Variants in BANP observed in about 807,000 individuals in gnomAD.
BANP encodes the protein protein BANP.
A neutral mutation model predicts 68.1 loss-of-function variants in BANP; 11 were observed. That is an observed-to-expected ratio of 0.16 (90% confidence interval 0.10 to 0.27). The LOEUF (loss-of-function observed/expected upper bound fraction) is 0.27. Ranked by LOEUF, BANP falls within the 10% of genes least tolerant of loss-of-function variation. BANP has a pLI of 1.00. For missense variants in BANP, 504 were observed against 722.7 expected, an observed-to-expected ratio of 0.70 and a Z score of 3.47; for synonymous variants, 329 against 303.2, an observed-to-expected ratio of 1.09 and a Z score of -0.88.
intron 4 of BANP, among the ~76,000 whole-genome samples, chr16:87,993,761 T>G (rs2066480466): frequency 1.3e-5 from 2 of 152,126 alleles, no homozygotes; most frequent in South Asian, 2.1e-4. Flanking sequence ...CACACCCGGC[T>G]GCTAATTTTT....
chr16:88,068,486 A>T (rs893462012), intron 12 of BANP, among the ~76,000 whole-genome samples: 1 of 151,834 alleles, frequency 6.6e-6, no homozygotes, highest in Non-Finnish European at 1.5e-5. Flanking sequence ...GCCCTGAGAC[A>T]CCTCTGGGAC....
At chr16:88,005,414 G>A (rs2070708016) in intron 5 of BANP, among the ~76,000 whole-genome samples, 1 of 152,214 alleles carries the variant, frequency 6.6e-6, no homozygotes, top group African/African-American at 2.4e-5. Context: ...TCCTGCTGGT[G>A]CGTAGCAGTC....
intron 12 of BANP, among the ~76,000 whole-genome samples, chr16:88,066,126 C>T (rs1197974632): frequency 6.6e-6 from 1 of 152,224 alleles, no homozygotes; most frequent in African/African-American, 2.4e-5. Context: ...CGGGGCTTCT[C>T]CCAGACACGT....
intron 6 of BANP, among the ~76,000 whole-genome samples, chr16:88,017,680 C>T (rs1378190085): frequency 1.3e-5 from 2 of 152,126 alleles, no homozygotes; most frequent in Admixed American, 6.5e-5. Context: ...TGGGAAGTCC[C>T]ACTCCATCGT....
intron 1 of BANP, among the ~76,000 whole-genome samples, chr16:87,967,622 A>T (rs868843177): frequency 1.8e-4 from 22 of 120,554 alleles, no homozygotes; most frequent in Non-Finnish European, 2.7e-4. Context: ...CACCCAGTTA[A>T]TTTTTTTTTT....
intron 11 of BANP, among the ~76,000 whole-genome samples, chr16:88,042,336 A>G (rs1025600210): frequency 3.3e-5 from 5 of 152,230 alleles, no homozygotes; most frequent in African/African-American, 9.6e-5. Flanking sequence ...CACTGGCTGC[A>G]TGGTGCCAGC....
chr16:87,968,548 G>C (rs1214929543), intron 1 of BANP, among the ~76,000 whole-genome samples: 1 of 151,888 alleles, frequency 6.6e-6, no homozygotes, highest in Non-Finnish European at 1.5e-5. Flanking sequence ...TCTTACTCTG[G>C]AAAAAAGAAG....
At chr16:87,962,624 C>G (rs1205226707) in intron 1 of BANP, among the ~76,000 whole-genome samples, 1 of 152,170 alleles carries the variant, frequency 6.6e-6, no homozygotes, top group Non-Finnish European at 1.5e-5. Context: ...AATTTGACCA[C>G]TTACTTACAA....
intron 10 of BANP, among the ~76,000 whole-genome samples, chr16:88,035,707 C>T (rs1460902760): frequency 2.6e-5 from 4 of 152,232 alleles, no homozygotes; most frequent in Non-Finnish European, 5.9e-5. Flanking sequence ...CCTGCCCTTC[C>T]TGCCAGGGGA....
At chr16:87,949,363 C>T (rs192913947), upstream of BANP, 1 of 152,346 alleles carries the variant, frequency 6.6e-6, no homozygotes, top group East Asian at 1.9e-4. Context: ...TATTTGAATG[C>T]AGCCGTGATT....
intron 6 of BANP, among the ~76,000 whole-genome samples, chr16:88,006,687 C>T (rs1222996462): frequency 6.6e-6 from 1 of 150,920 alleles, no homozygotes; most frequent in Non-Finnish European, 1.5e-5. Flanking sequence ...GGCTCAGTGG[C>T]TCACACCTGT....
At chr16:88,025,719 C>T (rs1441396186) in intron 7 of BANP, among the ~76,000 whole-genome samples, 4 of 152,178 alleles carry the variant, frequency 2.6e-5, no homozygotes, top group Admixed American at 2.6e-4. Context: ...TAAAAAAACC[C>T]AAACACTTCT....
chr16:88,045,452 G>T (rs1391271980), intron 11 of BANP, among the ~76,000 whole-genome samples: 1 of 152,254 alleles, frequency 6.6e-6, no homozygotes, highest in African/African-American at 2.4e-5. Context: ...AGGGGCCTCA[G>T]CAGGAGCAGC....
chr16:88,056,462 T>TC (rs1491213759), intron 11 of BANP, among the ~76,000 whole-genome samples: 4 of 27,180 alleles, frequency 1.5e-4, no homozygotes, highest in Admixed American at 3.1e-4. Flanking sequence ...ATTCTCTCTC[T>TC]TTTTTTTTTT....
intron 11 of BANP, among the ~76,000 whole-genome samples, chr16:88,060,916 G>A (rs916811892): frequency 2.7e-5 from 4 of 148,778 alleles, no homozygotes; most frequent in Non-Finnish European, 4.5e-5. Flanking sequence ...ATGGGGGAGC[G>A]CCACAGGCCT....
intron 6 of BANP, among the ~76,000 whole-genome samples, chr16:88,009,161 G>A (rs984204239): frequency 2.0e-5 from 3 of 152,200 alleles, no homozygotes; most frequent in African/African-American, 7.2e-5. Context: ...TGGGGGGTGC[G>A]AATGTGCCGA....
intron 6 of BANP, among the ~76,000 whole-genome samples, chr16:88,014,828 T>C (rs1346958215): frequency 6.6e-6 from 1 of 152,010 alleles, no homozygotes; most frequent in Non-Finnish European, 1.5e-5. Context: ...CCAGAGATGC[T>C]TGGTGTCGCT....
chr16:88,049,097 T>A (rs561414315), intron 11 of BANP, among the ~76,000 whole-genome samples: 1 of 151,968 alleles, frequency 6.6e-6, no homozygotes, highest in East Asian at 1.9e-4. Flanking sequence ...CAGCTGGGTG[T>A]CCTCTAATTC....
At chr16:87,994,201 C>G (rs1457766678) in intron 4 of BANP, among the ~76,000 whole-genome samples, 1 of 152,226 alleles carries the variant, frequency 6.6e-6, no homozygotes, top group Non-Finnish European at 1.5e-5. Context: ...CATCCTGTGC[C>G]GTTGCAGAGT....
Sources: allele counts gnomAD v4.1 joint callset (sites outside exome capture counted in the v4.1 genomes callset), GRCh38; gene constraint gnomAD v4.1.1; transcripts MANE v1.5; gene names NCBI Gene and HGNC (gene_info 2026-07-23, HGNC 2026-07-21).